The following LAMA2 variants were observed in gnomAD, a reference collection of about 807,000 sequenced individuals.
LAMA2 encodes the protein laminin subunit alpha-2.
In LAMA2, 269 loss-of-function variants were observed where a neutral mutation model predicts 364.8. The observed-to-expected ratio is 0.74, with a 90% CI of 0.67 to 0.82. The LOEUF is 0.82. Among genes scored for constraint, LAMA2 ranks in the 40% least tolerant of loss-of-function variants. LAMA2 has a pLI of 0.00. For missense variants in LAMA2, 3,807 were observed against 3,873.2 expected, an observed-to-expected ratio of 0.98 and a Z score of 0.45; for synonymous variants, 1,379 against 1,370.6, an observed-to-expected ratio of 1.01 and a Z score of -0.14.
chr6:129,093,279 G>A (rs113224277), intron 3 of LAMA2, among the ~76,000 whole-genome samples: 2,100 of 124,166 alleles, frequency 0.017, 23 homozygotes, highest in Middle Eastern at 0.035. Context: ...GTGAGCCACC[G>A]TGCCCGGCCG....
Position 129,252,091 on chromosome 6 carries a change from AC to A in LAMA2, c.1893del (p.Leu632Ter). The A allele has an allele frequency of 6.2e-7, 1 of 1,609,994 alleles. No individual in the cohort carries two copies. On this transcript the variant is annotated frameshift_variant, in exon 14 of 65. Transcript: ENST00000421865. LOFTEE classifies it high-confidence loss of function. The part of the protein sequence containing the change: ...LQLMIILEGN[D>X]LSISTAQDEV... ...TTTTTTTTCCCCCTTTAGGGTAATG[AC>A]TTGAGCATCAGCACAGCCCAAGATG...
At chr6:129,123,734 AG>A (rs1474634480) in intron 4 of LAMA2, among the ~76,000 whole-genome samples, 1 of 152,140 alleles carries the variant, frequency 6.6e-6, no homozygotes, top group Non-Finnish European at 1.5e-5. Flanking sequence ...TCTGGGTTGG[AG>A]GGGGAAACAG....
intron 17 of LAMA2, among the ~76,000 whole-genome samples, chr6:129,273,843 T>A (rs1345630216): frequency 6.6e-6 from 1 of 152,038 alleles, no homozygotes; most frequent in Non-Finnish European, 1.5e-5. Context: ...AAGTATTTAA[T>A]GATTCTTTCA....
At chr6:129,136,887 G>A (rs1243518304) in intron 4 of LAMA2, among the ~76,000 whole-genome samples, 2 of 152,116 alleles carry the variant, frequency 1.3e-5, no homozygotes, top group Non-Finnish European at 2.9e-5. Flanking sequence ...AGTGGTCAGT[G>A]TTCCTTTTAT....
intron 55 of LAMA2, among the ~76,000 whole-genome samples, chr6:129,483,422 A>G (rs1317559215): frequency 6.6e-6 from 1 of 152,196 alleles, no homozygotes; most frequent in Non-Finnish European, 1.5e-5. Flanking sequence ...ATAACAAAAT[A>G]GACATAAAGC....
intron 29 of LAMA2, among the ~76,000 whole-genome samples, chr6:129,331,229 A>G (rs1198844866): frequency 6.6e-6 from 1 of 152,078 alleles, no homozygotes; most frequent in African/African-American, 2.4e-5. Flanking sequence ...TGTGCCATCT[A>G]ATCTCACCTT....
intron 10 of LAMA2, among the ~76,000 whole-genome samples, chr6:129,188,196 T>C (rs951751794): frequency 6.6e-6 from 1 of 151,906 alleles, no homozygotes; most frequent in Admixed American, 6.6e-5. Context: ...GACAGACTTA[T>C]TTAAAGACAG....
At chr6:129,050,575 A>G (rs949545812) in intron 2 of LAMA2, among the ~76,000 whole-genome samples, 2 of 152,186 alleles carry the variant, frequency 1.3e-5, no homozygotes, top group African/African-American at 4.8e-5. Context: ...TGCCAGAAGG[A>G]GCGATATCCA....
At chr6:129,424,224 C>G (rs1208848907) in intron 40 of LAMA2, among the ~76,000 whole-genome samples, 1 of 151,732 alleles carries the variant, frequency 6.6e-6, no homozygotes, top group Admixed American at 6.6e-5. Flanking sequence ...AAAATTAACT[C>G]AAAAGAGATG....
intron 40 of LAMA2, among the ~76,000 whole-genome samples, chr6:129,416,305 C>A (rs1250653475): frequency 1.3e-5 from 2 of 152,196 alleles, no homozygotes; most frequent in East Asian, 3.8e-4. Context: ...CCACCAATCT[C>A]CCCCGGACAG....
intron 2 of LAMA2, among the ~76,000 whole-genome samples, chr6:129,055,005 A>G (rs1039236798): frequency 6.6e-6 from 1 of 150,590 alleles, no homozygotes; most frequent in Non-Finnish European, 1.5e-5. Flanking sequence ...CTCGTGGAAG[A>G]TAAATATATT....
intron 32 of LAMA2, among the ~76,000 whole-genome samples, chr6:129,356,654 G>A (rs1294949979): frequency 6.6e-6 from 1 of 152,034 alleles, no homozygotes; most frequent in Non-Finnish European, 1.5e-5. Flanking sequence ...ACGTGGTTTA[G>A]CCAGTATATT....
intron 1 of LAMA2, among the ~76,000 whole-genome samples, chr6:128,967,403 C>T (rs1781910955): frequency 6.6e-6 from 1 of 152,136 alleles, no homozygotes; most frequent in Non-Finnish European, 1.5e-5. Context: ...ATTTATTGAG[C>T]AAAATATTTG....
chr6:129,317,095 A>G (rs935701302), intron 27 of LAMA2, among the ~76,000 whole-genome samples: 1 of 152,210 alleles, frequency 6.6e-6, no homozygotes, highest in African/African-American at 2.4e-5. Flanking sequence ...CTTCCACATC[A>G]TGGACCCTCA....
At chr6:129,382,426 T>C (rs1222151437) in intron 34 of LAMA2, among the ~76,000 whole-genome samples, 1 of 152,062 alleles carries the variant, frequency 6.6e-6, no homozygotes, top group African/African-American at 2.4e-5. Context: ...TAAATAGAGG[T>C]GAATGTGCCT....
intron 12 of LAMA2, among the ~76,000 whole-genome samples, chr6:129,234,796 G>T (rs959915007): frequency 6.6e-6 from 1 of 151,990 alleles, no homozygotes; most frequent in Non-Finnish European, 1.5e-5. Context: ...AACCACCTAG[G>T]AATATAACAG....
chr6:129,445,647 A>G lies in LAMA2; in HGVS notation c.6275-20A>G, dbSNP rs1384358377. 2.5e-6 allele frequency: 4 copies of G among 1,612,108 alleles called. No individual in the cohort carries two copies. Among genetic ancestry groups the G allele is most frequent in the Admixed American group, 3.3e-5 (2 of 60,012 alleles). On this transcript the variant is annotated intron_variant, in intron 44 of 64. Transcript: ENST00000421865. ...CGTGTGTGCATGCATATACATGCAC[A>G]CTAATTTTGTTCTATGCAGTTGCCG...
At chr6:128,906,762 G>A (rs1777503893) in intron 1 of LAMA2, among the ~76,000 whole-genome samples, 1 of 150,946 alleles carries the variant, frequency 6.6e-6, no homozygotes, top group Non-Finnish European at 1.5e-5. Flanking sequence ...GGTTTTTATG[G>A]TTTTAGGTCT....
At chr6:129,284,763 C>T (rs151061130) in intron 18 of LAMA2, among the ~76,000 whole-genome samples, 4 of 152,078 alleles carry the variant, frequency 2.6e-5, no homozygotes, top group Admixed American at 6.6e-5. Flanking sequence ...TCTCTCTCTT[C>T]CTCTCTCCCT....
Sources: gnomAD v4.1 joint callset for allele counts (sites outside exome capture counted in the v4.1 genomes callset) on GRCh38, gnomAD v4.1.1 for gene constraint, MANE v1.5 for transcripts, NCBI Gene and HGNC (gene_info 2026-07-23, HGNC 2026-07-21) for gene names.